PLCG2: variants seen among roughly 807,000 people sequenced by gnomAD.
PLCG2 encodes the protein phospholipase C gamma 2, also known as 1-phosphatidylinositol 4,5-bisphosphate phosphodiesterase gamma-2.
A neutral mutation model predicts 175.6 loss-of-function variants in PLCG2; 69 were observed. The ratio of observed to expected loss-of-function variants is 0.39; its 90% confidence interval spans 0.32 to 0.48. The LOEUF (loss-of-function observed/expected upper bound fraction) is 0.48, where lower values mean the gene tolerates loss of function less well. PLCG2 is among the 20% of genes least tolerant of loss of function. The pLI, the probability that PLCG2 is intolerant of heterozygous loss-of-function variation, is 0.91. For missense variants in PLCG2, 1,798 were observed against 1,650.9 expected, an observed-to-expected ratio of 1.09 and a Z score of -1.54; for synonymous variants, 827 against 624.0, an observed-to-expected ratio of 1.33 and a Z score of -4.85.
intron 1 of PLCG2, among the ~76,000 whole-genome samples, chr16:81,741,735 C>T (rs1006062366): frequency 2.8e-4 from 42 of 151,994 alleles, no homozygotes; most frequent in East Asian, 9.6e-4. Flanking sequence ...CGCTTGAACC[C>T]GGGAGGCAGA....
At chr16:81,817,603 A>G (rs1904608276) in intron 2 of PLCG2, among the ~76,000 whole-genome samples, 1 of 152,212 alleles carries the variant, frequency 6.6e-6, no homozygotes, top group African/African-American at 2.4e-5. Context: ...ACAAAGATGT[A>G]TGTAGAACAT....
Position 81,870,803 on chromosome 16 carries a change from C to G in PLCG2, c.565-49C>G, listed in dbSNP as rs376761430. The G allele has an allele frequency of 6.0e-6, 6 of 1,006,338 alleles. No homozygotes were observed. The African/African-American group carries it at 6.6e-5, about 11-fold the overall frequency. 62.3% of individuals were successfully genotyped at this position (1,006,338 alleles called of 1,614,324 possible). ...ATTCTATAAATAGCATGGAGCCATT[C>G]TTACGGTGGACATCAAAAATCATGT... On this transcript the variant is annotated intron_variant, in intron 6 of 32. Coordinates refer to ENST00000564138, the MANE Select transcript of PLCG2 (RefSeq NM_002661.5).
At chr16:81,778,411 A>C (rs1332895661), upstream of PLCG2, among the ~76,000 whole-genome samples, 1 of 152,184 alleles carries the variant, frequency 6.6e-6, no homozygotes, top group Non-Finnish European at 1.5e-5. Flanking sequence ...TGGAAGTGAA[A>C]TTCAAGTGCC....
intron 30 of PLCG2, 61 bp downstream of exon 30, chr16:81,940,120 C>A: frequency 7.2e-7 from 1 of 1,389,366 alleles, no homozygotes; most frequent in Non-Finnish European, 1.0e-6. Flanking sequence ...GGTTTGGCTG[C>A]TGGCTTCAAA....
chr16:81,803,647 CCCTCCCTCCCTCCCTCCCTTCCTT>C (rs1911857175), intron 2 of PLCG2, among the ~76,000 whole-genome samples: 1 of 42,056 alleles, frequency 2.4e-5, no homozygotes, highest in Admixed American at 2.4e-4. Context: ...CTCCCTCCCT[CCCTCCCTCCCTCCCTCCCTTCCTT>C]CCTTCCTTCC....
chr16:81,854,632 G>A (rs4072828), intron 3 of PLCG2, 45 bp downstream of exon 3: 3 of 1,584,360 alleles, frequency 1.9e-6, no homozygotes, highest in Middle Eastern at 3.4e-4. Context: ...GTGCCTTAGT[G>A]TCTTCCTGAA....
At chr16:81,823,218 G>A (rs565329609) in intron 2 of PLCG2, among the ~76,000 whole-genome samples, 2 of 152,360 alleles carry the variant, frequency 1.3e-5, no homozygotes, top group East Asian at 3.9e-4. Flanking sequence ...CCTAGGGGAG[G>A]TCTGGCTTCC....
At chr16:81,827,558 G>A (rs2143366394) in intron 2 of PLCG2, among the ~76,000 whole-genome samples, 1 of 152,148 alleles carries the variant, frequency 6.6e-6, no homozygotes, top group Middle Eastern at 3.4e-3. Flanking sequence ...ATACCTGCAG[G>A]CAGCTGGATA....
At chr16:81,805,409 G>C (rs574437771) in intron 2 of PLCG2, among the ~76,000 whole-genome samples, 1 of 149,660 alleles carries the variant, frequency 6.7e-6, no homozygotes, top group Non-Finnish European at 1.5e-5. Flanking sequence ...TGAGGCAGGA[G>C]AATGGCGTTA....
intron 7 of PLCG2, among the ~76,000 whole-genome samples, chr16:81,874,652 T>A (rs533488305): frequency 6.6e-6 from 1 of 152,322 alleles, no homozygotes; most frequent in South Asian, 2.1e-4. Context: ...TTATGGTGAC[T>A]TATAATCCCC....
chr16:81,884,346 G>C (rs1010749383), intron 9 of PLCG2, among the ~76,000 whole-genome samples: 9 of 151,442 alleles, frequency 5.9e-5, no homozygotes, highest in African/African-American at 2.2e-4. Context: ...GCAAGACTCC[G>C]TCTCAGAAAA....
At chr16:81,778,975 T>A (rs1434817073), upstream of PLCG2, among the ~76,000 whole-genome samples, 3 of 151,926 alleles carry the variant, frequency 2.0e-5, no homozygotes, top group East Asian at 3.9e-4. Flanking sequence ...GTGTGTTAAG[T>A]ATACGGCAAA....
chr16:81,789,828 T>G (rs1911147778), intron 2 of PLCG2, among the ~76,000 whole-genome samples: 1 of 150,352 alleles, frequency 6.7e-6, no homozygotes, highest in South Asian at 2.1e-4. Context: ...TTCTTTCTCC[T>G]TCCCTTCCCA....
chr16:81,868,662 A>G (rs1021024824), intron 5 of PLCG2, among the ~76,000 whole-genome samples: 1 of 152,272 alleles, frequency 6.6e-6, no homozygotes, highest in African/African-American at 2.4e-5. Context: ...TTTGACATTC[A>G]GAGTCCTGGG....
intron 12 of PLCG2, 79 bp downstream of exon 12, chr16:81,893,873 G>T (rs546352668): frequency 2.3e-6 from 2 of 883,652 alleles, no homozygotes; most frequent in East Asian, 2.5e-5. Context: ...GTTTTCTTTC[G>T]AATTGTAAAA....
chr16:81,823,445 G>A (rs7193222), intron 2 of PLCG2, among the ~76,000 whole-genome samples: 1 of 152,188 alleles, frequency 6.6e-6, no homozygotes, highest in Non-Finnish European at 1.5e-5. Context: ...TGGGGGTAGG[G>A]GCTGCACTGT....
At chr16:81,760,225 A>G (rs886291061) in intron 2 of PLCG2, among the ~76,000 whole-genome samples, 2 of 152,238 alleles carry the variant, frequency 1.3e-5, no homozygotes, top group African/African-American at 4.8e-5. Flanking sequence ...CTACATAGCC[A>G]GAAACAAAGC....
At chr16:81,757,484 AATC>A (rs1420454440) in intron 2 of PLCG2, among the ~76,000 whole-genome samples, 1 of 152,122 alleles carries the variant, frequency 6.6e-6, no homozygotes, top group East Asian at 1.9e-4. Flanking sequence ...GAATCGCTTG[AATC>A]CAGGAGACAG....
At chr16:81,847,030 C>G (rs1009454957) in intron 2 of PLCG2, among the ~76,000 whole-genome samples, 1 of 152,218 alleles carries the variant, frequency 6.6e-6, no homozygotes, top group African/African-American at 2.4e-5. Context: ...TCCCTCAAGA[C>G]TCTGTCCCAT....
Sources: gnomAD v4.1 joint callset for allele counts (sites outside exome capture counted in the v4.1 genomes callset) on GRCh38, gnomAD v4.1.1 for gene constraint, MANE v1.5 for transcripts, NCBI Gene and HGNC (gene_info 2026-07-23, HGNC 2026-07-21) for gene names.